Variants in SVEP1 observed in about 807,000 individuals in gnomAD.
SVEP1 encodes the protein sushi, von Willebrand factor type A, EGF and pentraxin domain containing 1, also known as sushi, von Willebrand factor type A, EGF and pentraxin domain-containing protein 1.
Under a neutral mutation model 367.3 loss-of-function variants are expected in SVEP1, and 164 were observed. The ratio of observed to expected loss-of-function variants is 0.45; its 90% CI spans 0.39 to 0.51. The LOEUF is 0.51. Ranked by LOEUF, SVEP1 falls within the 20% of genes least tolerant of loss-of-function variation. SVEP1 has a pLI of 0.00. For synonymous variants in SVEP1, 1,666 were observed against 1,611.6 expected (o/e 1.03, Z -0.81); for missense variants, 4,117 against 4,425.3 (o/e 0.93, Z 1.98).
intron 46 of SVEP1, among the ~76,000 whole-genome samples, chr9:110,370,350 A>ATGTT (rs1423671879): frequency 1.3e-5 from 2 of 152,106 alleles, no homozygotes; most frequent in Non-Finnish European, 2.9e-5. Flanking sequence ...GACACTTTGA[A>ATGTT]TGTTTTGAAC....
chr9:110,527,234 T>C (rs1829950419), intron 3 of SVEP1, among the ~76,000 whole-genome samples: 1 of 152,098 alleles, frequency 6.6e-6, no homozygotes, highest in Non-Finnish European at 1.5e-5. Context: ...AGAGGATCTC[T>C]GTATATTACT....
rs1389281322 is a variant in SVEP1, at chr9:110,468,968, G to C, written c.3132C>G (p.Ile1044Met). ...LCPSGMYTEY[I>M]HSRNISDCKA... ...TACAATCAGAGATGTTTCTTGAATGGATATATTCCGTGTACATCCCAGAGG... is the reference window on the plus strand; with the variant it reads ...TACAATCAGAGATGTTTCTTGAATGCATATATTCCGTGTACATCCCAGAGG... Residue 1044 changes from isoleucine (I) to methionine (M), a missense_variant, in exon 17 of 48, where the codon ATC becomes ATG. Coordinates refer to ENST00000374469, the MANE Select transcript of SVEP1 (RefSeq NM_153366.4). 1 of 1,611,856 alleles carries C rather than the reference G, an allele frequency of 6.2e-7. No individual in the cohort carries two copies. Among genetic ancestry groups the C allele is most frequent in the Admixed American group, 1.7e-5 (1 of 59,850 alleles).
rs755091650 is a variant in SVEP1, at chr9:110,406,247, T to G, written c.9353A>C (p.Glu3118Ala). 6 of 1,613,832 alleles carry G rather than the reference T, an allele frequency of 3.7e-6. No individual in the cohort carries two copies. The highest frequency in any genetic ancestry group is 5.1e-6 in the Non-Finnish European group (6 of 1,179,832). ...CGGTGGGGACCCACAGGACAAGGGC[T>G]CACAGACTGGATAAGGCTGGCTCCA... ...GVWSQPYPVC[E>A]PLSCGSPPSV... The change falls in exon 38 of 48, where the codon GAG becomes GCG. Residue 3118 changes from glutamate (E) to alanine (A), a missense_variant. Around this residue, in one of 4 missense-constraint regions of SVEP1, gnomAD observed 1,765 missense variants for 1,781.1 expected, o/e 0.99. Coordinates refer to ENST00000374469, the MANE Select transcript of SVEP1 (RefSeq NM_153366.4).
At chr9:110,442,887 A>G (rs1162448387) in intron 27 of SVEP1, 1 of 152,204 alleles carries the variant, frequency 6.6e-6, no homozygotes, top group African/African-American at 2.4e-5. Flanking sequence ...AGTTTCATAC[A>G]ACTTACTTCT....
Position 110,458,491 on chromosome 9 carries a change from T to G in SVEP1, c.3556A>C (p.Arg1186=). ...PPASLGHIKK[R]HEISSQVFHE... is the part of the protein sequence containing the mutation. ...CTTGCCTGACTGCTGATTTCATGCCTCTTTTTAATATGTCCAAGAGAGGCA... is the reference window on the plus strand; with the variant it reads ...CTTGCCTGACTGCTGATTTCATGCCGCTTTTTAATATGTCCAAGAGAGGCA... The change falls in exon 20 of 48, where the codon AGG becomes CGG. Residue 1186 remains arginine (R), a synonymous_variant. Coordinates refer to ENST00000374469, the MANE Select transcript of SVEP1 (RefSeq NM_153366.4). 1 of 1,612,828 alleles carries G rather than the reference T, an allele frequency of 6.2e-7. No individual in the cohort carries two copies. Among genetic ancestry groups the G allele is most frequent in the Non-Finnish European group, 8.5e-7 (1 of 1,179,512 alleles).
chr9:110,506,980 G>T (rs1052069683), intron 5 of SVEP1, among the ~76,000 whole-genome samples: 1 of 152,146 alleles, frequency 6.6e-6, no homozygotes, highest in African/African-American at 2.4e-5. Flanking sequence ...AAGACCCATG[G>T]AAAATGCACT....
Position 110,496,852 on chromosome 9 carries a change from C to A in SVEP1, c.1763G>T (p.Trp588Leu). 1 of 1,558,118 alleles carries A rather than the reference C, an allele frequency of 6.4e-7. No individual in the cohort carries two copies. The highest frequency in any genetic ancestry group is 1.2e-5 in the South Asian group (1 of 84,536). ...GTTGTCTTTAGCTGTTGGAATCTGC[C>A]AGGTAACATTGGCAGAATCTTGCTG... is the stretch of plus-strand genomic sequence containing the variant. Reference protein sequence around the residue: ...LEQQDSANVTWQIPTAKDNSG... With the variant: ...LEQQDSANVTLQIPTAKDNSG... The change falls in exon 8 of 48, where the codon TGG (tryptophan) becomes TTG (leucine). Residue 588 changes from tryptophan to leucine, a missense_variant. By Grantham distance (61) the Trp-to-Leu change is moderately conservative (BLOSUM62 -2). Around this residue, in one of 4 missense-constraint regions of SVEP1, gnomAD observed 2,174 missense variants for 2,494.3 expected, o/e 0.87. Coordinates refer to ENST00000374469, the MANE Select transcript of SVEP1 (RefSeq NM_153366.4).
intron 47 of SVEP1, among the ~76,000 whole-genome samples, chr9:110,367,968 C>A (rs1188761988): frequency 6.6e-6 from 1 of 152,158 alleles, no homozygotes; most frequent in Non-Finnish European, 1.5e-5. Context: ...GTAGTCCCAG[C>A]TACTCAGGAG....
chr9:110,430,091 T>A (rs1828327020), intron 33 of SVEP1, 87 bp from the exon 34 acceptor site: 3 of 1,412,872 alleles, frequency 2.1e-6, no homozygotes. Flanking sequence ...AAGATCTTTT[T>A]TTGTTTGTTT....
chr9:110,427,580 G>A lies in SVEP1; in HGVS notation c.5975+11C>T. 8 of 1,610,372 alleles carry A rather than the reference G, an allele frequency of 5.0e-6. No homozygotes were observed. Among genetic ancestry groups the A allele is most frequent in the African/African-American group, 2.7e-5 (2 of 74,920 alleles). ...CTCTCAATGATCCTTTCCTTCACAG[G>A]CCCTACTCACCCTTCTTTGCAAGTG... On this transcript the variant is annotated intron_variant, in intron 36 of 47. Transcript: ENST00000374469.
Position 110,406,215 on chromosome 9 carries a change from C to A in SVEP1, c.9385G>T (p.Ala3129Ser). 6.2e-7 allele frequency: 1 copy of A among 1,608,930 alleles called. No individual in the cohort carries two copies. Among genetic ancestry groups the A allele is most frequent in the Non-Finnish European group, 8.5e-7 (1 of 1,177,102 alleles). ...PLSCGSPPSV[A>S]NAVATGEAHT... is the part of the protein sequence containing the mutation. ...GCCTCTCCAGTTGCCACTGCATTGGCGACAGACGGTGGGGACCCACAGGAC... is the reference window on the plus strand; with the variant it reads ...GCCTCTCCAGTTGCCACTGCATTGGAGACAGACGGTGGGGACCCACAGGAC... The change falls in exon 38 of 48, where the codon GCC (alanine) becomes TCC (serine). Residue 3129 changes from alanine (A) to serine (S), a missense_variant. This residue lies in a region of SVEP1 where 1,765 missense variants were observed against 1,781.1 expected (regional missense o/e 0.99). Coordinates refer to ENST00000374469, the MANE Select transcript of SVEP1 (RefSeq NM_153366.4).
chr9:110,468,445 G>A (rs575632743), intron 17 of SVEP1, among the ~76,000 whole-genome samples: 23 of 152,256 alleles, frequency 1.5e-4, no homozygotes, highest in African/African-American at 5.5e-4. Flanking sequence ...GAAAACCATA[G>A]AAGCAGGAAA....
chr9:110,506,831 A>G (rs1564162168), intron 5 of SVEP1, among the ~76,000 whole-genome samples: 1 of 152,088 alleles, frequency 6.6e-6, no homozygotes, highest in Non-Finnish European at 1.5e-5. Context: ...GAGGGGAAAC[A>G]TAGGTGGAGG....
Position 110,446,957 on chromosome 9 carries a change from A to C in SVEP1, c.4204T>G (p.Leu1402Val). 1 of 1,547,012 alleles carries C rather than the reference A, an allele frequency of 6.5e-7. No homozygotes were observed. ...CRNQATCVDE[L>V]NSYSCKCQPG... ...TGACATTTACAACTGTATGAATTTA[A>C]TTCATCCACACAGGTGGCCTGATTT... The change falls in exon 25 of 48, where the codon TTA (leucine) becomes GTA (valine). Residue 1402 changes from leucine to valine, a missense_variant. Physicochemically the swap from Leu to Val is conservative, Grantham distance 32 (BLOSUM62 1). This residue lies in a region of SVEP1 where 2,174 missense variants were observed against 2,494.3 expected (regional missense o/e 0.87). Transcript: ENST00000374469.
chr9:110,548,966 A>AT (rs142624209), intron 2 of SVEP1, among the ~76,000 whole-genome samples: 1 of 151,930 alleles, frequency 6.6e-6, no homozygotes, highest in Non-Finnish European at 1.5e-5. Flanking sequence ...TTATTTATTT[A>AT]TTTTTTTTAA....
intron 24 of SVEP1, among the ~76,000 whole-genome samples, chr9:110,449,138 G>A (rs1356314604): frequency 2.0e-5 from 3 of 152,124 alleles, no homozygotes; most frequent in Non-Finnish European, 4.4e-5. Flanking sequence ...CAAAGAGTGG[G>A]GGATGGAATG....
At chr9:110,514,210 T>C in intron 3 of SVEP1, 104 bp from the exon 4 acceptor site, 1 of 1,447,766 alleles carries the variant, frequency 6.9e-7, no homozygotes, top group East Asian at 2.5e-5. Context: ...ACAATAGTTT[T>C]CCATAGAAAT....
intron 1 of SVEP1, among the ~76,000 whole-genome samples, chr9:110,560,455 T>C (rs1255287649): frequency 1.3e-5 from 2 of 152,218 alleles, no homozygotes; most frequent in African/African-American, 4.8e-5. Flanking sequence ...TAGTTTGTTG[T>C]TGTTTGCCAT....
intron 1 of SVEP1, among the ~76,000 whole-genome samples, chr9:110,577,568 A>C (rs1002633317): frequency 6.6e-6 from 1 of 152,152 alleles, no homozygotes; most frequent in Admixed American, 6.5e-5. Context: ...CTATGAACAA[A>C]TATAGGATCT....
Sources: gnomAD v4.1 joint callset for allele counts (sites outside exome capture counted in the v4.1 genomes callset) on GRCh38, gnomAD v4.1.1 for gene constraint, gnomAD v4.1.1 regional missense constraint, MANE v1.5 for transcripts, NCBI Gene and HGNC (gene_info 2026-07-23, HGNC 2026-07-21) for gene names.